Variants in ZFPM2 observed in about 807,000 individuals in gnomAD.
ZFPM2 encodes the protein zinc finger protein, FOG family member 2, also known as zinc finger protein ZFPM2.
ZFPM2 carries 20 observed loss-of-function variants against 98.6 expected under a neutral mutation model. The observed-to-expected ratio is 0.20, with a 90% CI of 0.14 to 0.29. ZFPM2 has a LOEUF of 0.29. Ranked by LOEUF, ZFPM2 falls within the 10% of genes least tolerant of loss-of-function variation. ZFPM2 has a pLI of 1.00. For missense variants in ZFPM2, 1,310 were observed against 1,388.6 expected, an observed-to-expected ratio of 0.94 and a Z score of 0.90; for synonymous variants, 518 against 502.7, an observed-to-expected ratio of 1.03 and a Z score of -0.41.
intron 1 of ZFPM2, among the ~76,000 whole-genome samples, chr8:105,393,553 G>A (rs540122555): frequency 6.6e-6 from 1 of 151,936 alleles, no homozygotes. Flanking sequence ...TTTTCTTCCT[G>A]TATAATGCAA....
chr8:105,708,300 AT>A (rs1443714950), intron 5 of ZFPM2, among the ~76,000 whole-genome samples: 1 of 152,172 alleles, frequency 6.6e-6, no homozygotes, highest in Non-Finnish European at 1.5e-5. Flanking sequence ...TAATTTTAGG[AT>A]TTTGTATAAT....
intron 1 of ZFPM2, chr8:105,418,465 T>G (rs1811725787): frequency 2.1e-6 from 1 of 470,410 alleles, no homozygotes; most frequent in South Asian, 1.5e-5. Context: ...ACTCTCATTC[T>G]CTCCAAGGGA....
intron 4 of ZFPM2, among the ~76,000 whole-genome samples, chr8:105,584,309 A>G (rs1374910734): frequency 5.3e-5 from 8 of 152,124 alleles, no homozygotes; most frequent in African/African-American, 1.4e-4. Context: ...TTCTAAAATT[A>G]CACATTAGGC....
In ZFPM2 at chr8:105,419,255, G is replaced by T. The variant is rs369570857; in HGVS notation, c.152G>T (p.Gly51Val). Residue 51 changes from glycine (G) to valine (V), a missense_variant, in exon 2 of 8, where the codon GGG becomes GTG. Coordinates refer to ENST00000407775, the MANE Select transcript of ZFPM2 (RefSeq NM_012082.4). Reference protein sequence around the residue: ...PLEESFSTEFGPENLSCEEVE... With the variant: ...PLEESFSTEFVPENLSCEEVE... ...GAGGAAAGCTTTTCCACAGAATTTGGGCCTGAAAATCTGAGCTGCGAAGAA... is the reference window on the plus strand; with the variant it reads ...GAGGAAAGCTTTTCCACAGAATTTGTGCCTGAAAATCTGAGCTGCGAAGAA... 7 of 1,613,326 alleles carry T rather than the reference G, an allele frequency of 4.3e-6. No homozygotes were observed. The African/African-American group carries it at 8.0e-5, about 18-fold the overall frequency.
intron 3 of ZFPM2, among the ~76,000 whole-genome samples, chr8:105,523,035 C>G (rs546254094): frequency 6.6e-6 from 1 of 152,150 alleles, no homozygotes; most frequent in South Asian, 2.1e-4. Flanking sequence ...AGTTCTTATT[C>G]TAGCCCTAGC....
intron 2 of ZFPM2, among the ~76,000 whole-genome samples, chr8:105,425,878 C>T (rs1289464582): frequency 6.6e-6 from 1 of 152,130 alleles, no homozygotes; most frequent in Non-Finnish European, 1.5e-5. Context: ...GCAGTTTTGG[C>T]TGTGGGAGTA....
At chr8:105,550,853 T>C (rs1166562541) in intron 3 of ZFPM2, among the ~76,000 whole-genome samples, 1 of 152,144 alleles carries the variant, frequency 6.6e-6, no homozygotes. Flanking sequence ...AGACTGAGTA[T>C]GTACTGCACT....
rs1407293804 is a variant in ZFPM2 at position 105,801,799 on chromosome 8, A to G, written c.1717A>G (p.Ser573Gly). The G allele has an allele frequency of 6.2e-7, 1 of 1,613,888 alleles. No individual in the cohort carries two copies. The highest frequency in any genetic ancestry group is 1.3e-5 in the African/African-American group (1 of 74,928). ...YLVHKKHYCS[S>G]RWQQMAKSPE... ...AGTGCACAAAAAGCATTATTGCAGC[A>G]GCCGATGGCAGCAGATGGCTAAGTC... The change falls in exon 8 of 8, where the codon AGC (serine) becomes GGC (glycine). Residue 573 changes from serine to glycine, a missense_variant. Physicochemically the swap from Ser to Gly is moderately conservative, Grantham distance 56 (BLOSUM62 0). Transcript: ENST00000407775.
chr8:105,366,563 C>T (rs2129789175), intron 1 of ZFPM2, among the ~76,000 whole-genome samples: 1 of 151,636 alleles, frequency 6.6e-6, no homozygotes, highest in Middle Eastern at 3.4e-3. Context: ...TACATGTGCA[C>T]ATTGTGCAGG....
At chr8:105,540,986 T>C (rs2130624625) in intron 3 of ZFPM2, among the ~76,000 whole-genome samples, 1 of 152,290 alleles carries the variant, frequency 6.6e-6, no homozygotes, top group South Asian at 2.1e-4. Flanking sequence ...GAAACAGTTT[T>C]ATGTAGCTGG....
intron 3 of ZFPM2, among the ~76,000 whole-genome samples, chr8:105,561,071 G>C (rs1815124172): frequency 6.6e-6 from 1 of 152,132 alleles, no homozygotes; most frequent in African/African-American, 2.4e-5. Flanking sequence ...TGCTTTTTAA[G>C]GGAGTGTTAC....
chr8:105,442,239 G>A (rs1218672236), intron 2 of ZFPM2, among the ~76,000 whole-genome samples: 8 of 151,914 alleles, frequency 5.3e-5, no homozygotes, highest in Non-Finnish European at 1.2e-4. Flanking sequence ...AGCTACTTTG[G>A]AAGCTGAGGC....
chr8:105,427,848 C>T (rs2035364), intron 2 of ZFPM2, among the ~76,000 whole-genome samples: 13,249 of 152,202 alleles, frequency 0.087, 712 homozygotes, highest in South Asian at 0.15. Context: ...CAGAGATTGG[C>T]ATTAGGGCTA....
intron 5 of ZFPM2, among the ~76,000 whole-genome samples, chr8:105,742,905 C>T (rs145263520): frequency 5.4e-4 from 82 of 152,110 alleles, no homozygotes; most frequent in African/African-American, 1.9e-3. Context: ...AACGATCATC[C>T]ATATGGGTGT....
intron 3 of ZFPM2, among the ~76,000 whole-genome samples, chr8:105,527,025 T>C (rs552487876): frequency 6.6e-6 from 1 of 152,238 alleles, no homozygotes; most frequent in Admixed American, 6.5e-5. Flanking sequence ...AGGGTTGTTA[T>C]GAGGAAACGA....
chr8:105,613,340 GAGA>G (rs1337379279), intron 4 of ZFPM2, among the ~76,000 whole-genome samples: 18 of 152,174 alleles, frequency 1.2e-4, no homozygotes, highest in Middle Eastern at 6.8e-3. Context: ...AAGAACACTG[GAGA>G]AGATCATTAT....
intron 4 of ZFPM2, among the ~76,000 whole-genome samples, chr8:105,626,143 G>A (rs1341943587): frequency 6.6e-6 from 1 of 152,044 alleles, no homozygotes; most frequent in Non-Finnish European, 1.5e-5. Context: ...TTGTTGGGTG[G>A]AACTTATCAT....
chr8:105,800,682 G>A (rs1813973535), intron 7 of ZFPM2, among the ~76,000 whole-genome samples: 1 of 152,028 alleles, frequency 6.6e-6, no homozygotes, highest in South Asian at 2.1e-4. Flanking sequence ...TTATAGTGAG[G>A]TTATTAGATT....
At chr8:105,469,078 A>G (rs1812848449) in intron 3 of ZFPM2, among the ~76,000 whole-genome samples, 1 of 152,150 alleles carries the variant, frequency 6.6e-6, no homozygotes, top group Admixed American at 6.6e-5. Flanking sequence ...TTCAGAGCAC[A>G]CAAATCTAGA....
Sources: gnomAD v4.1 joint callset for allele counts (sites outside exome capture counted in the v4.1 genomes callset) on GRCh38, gnomAD v4.1.1 for gene constraint, MANE v1.5 for transcripts, NCBI Gene and HGNC (gene_info 2026-07-23, HGNC 2026-07-21) for gene names.